Variants in DMTF1 observed in about 807,000 individuals in gnomAD.
DMTF1 encodes cyclin-D-binding Myb-like transcription factor 1.
In DMTF1, 39 loss-of-function variants were observed where a neutral mutation model predicts 91.1. The ratio of observed to expected loss-of-function variants is 0.43; its 90% CI spans 0.33 to 0.56. The LOEUF (loss-of-function observed/expected upper bound fraction) is 0.56, where lower values mean the gene tolerates loss of function less well. Ranked by LOEUF, DMTF1 falls within the 20% of genes least tolerant of loss-of-function variation. The pLI is 0.05. For synonymous variants in DMTF1, 338 were observed against 309.5 expected (o/e 1.09, Z -0.97); for missense variants, 750 against 914.5 (o/e 0.82, Z 2.32).
chr7:87,190,370 G>T (rs964030578), intron 13 of DMTF1, among the ~76,000 whole-genome samples: 2 of 151,874 alleles, frequency 1.3e-5, no homozygotes, highest in Non-Finnish European at 2.9e-5. Context: ...ATACTGCTAG[G>T]AAGTGATTAA....
intron 7 of DMTF1, among the ~76,000 whole-genome samples, chr7:87,176,219 T>A (rs1342106817): frequency 1.3e-5 from 2 of 152,212 alleles, no homozygotes; most frequent in South Asian, 4.1e-4. Context: ...ATTTTAAAAC[T>A]CTAATTCTTC....
chr7:87,195,192 C>T lies in DMTF1; in HGVS notation c.*52C>T, dbSNP rs11541453. The T allele has an allele frequency of 0.031, 39,604 of 1,293,822 alleles. 750 individuals are homozygous for T. Among genetic ancestry groups the T allele is most frequent in the East Asian group, 0.059 (2,527 of 43,082 alleles). 80.1% of individuals were successfully genotyped at this position (1,293,822 alleles called of 1,614,324 possible). A position where few individuals can be genotyped will look rare whatever the true frequency, so the allele number is the denominator to read the frequency against. On this transcript the variant is annotated 3_prime_UTR_variant, in exon 18 of 18. Transcript: ENST00000331242. ...AGCAAAGAAGGCACACTGTTAATTA[C>T]AACCTCTTCAAAGAAATAGGAGCAA...
chr7:87,164,711 T>G (rs1324568415), intron 2 of DMTF1, among the ~76,000 whole-genome samples: 1 of 152,216 alleles, frequency 6.6e-6, no homozygotes, highest in Non-Finnish European at 1.5e-5. Context: ...TTTTTAAAAT[T>G]TATCAGAGCA....
rs1798365676 is a variant in DMTF1 at position 87,186,130 on chromosome 7, C to A, written c.1201+150C>A. 3.8e-6 allele frequency: 3 copies of A among 798,378 alleles called. No homozygotes were observed. The Admixed American group carries it at 8.0e-5, about 21-fold the overall frequency. The allele number at this position is 798,378 out of a possible 1,614,324, so 49.5% of individuals were successfully genotyped here. On this transcript the variant is annotated intron_variant, in intron 12 of 17. Coordinates refer to ENST00000331242, the MANE Select transcript of DMTF1 (RefSeq NM_001142327.2). ...TCCCTGTTTCTCTCAGTAATTGTTT[C>A]CTTCCCCAGAGAAGAGTTAATACTG...
At chr7:87,193,103 T>G in intron 14 of DMTF1, 95 bp from the exon 15 acceptor site, 3 of 1,310,918 alleles carry the variant, frequency 2.3e-6, no homozygotes, top group Non-Finnish European at 3.2e-6. Flanking sequence ...TCACAATGGG[T>G]AAGTACATTT....
In DMTF1 at chr7:87,188,241, A is replaced by G. The variant is rs74661039; in HGVS notation, c.1351A>G (p.Thr451Ala). 28 of 1,613,916 alleles carry G rather than the reference A, an allele frequency of 1.7e-5. No homozygotes were observed. Among genetic ancestry groups the G allele is most frequent in the Non-Finnish European group, 2.4e-5 (28 of 1,179,922 alleles). Residue 451 changes from threonine to alanine, a missense_variant, in exon 13 of 18, where the codon ACA (threonine) becomes GCA (alanine). Transcript: ENST00000331242. ...AAGAGTTGCCCGCTTGGAAGATAATACAGCCATCTCTTCTAGCCCCATGGC... is the reference window on the plus strand; with the variant it reads ...AAGAGTTGCCCGCTTGGAAGATAATGCAGCCATCTCTTCTAGCCCCATGGC... ...QIRVARLEDN[T>A]AISSSPMAAL...
chr7:87,168,812 C>G (rs1353137921), intron 4 of DMTF1, among the ~76,000 whole-genome samples: 1 of 152,176 alleles, frequency 6.6e-6, no homozygotes, highest in Non-Finnish European at 1.5e-5. Context: ...CTCTAGTGTT[C>G]TTTTTCCCAC....
At chr7:87,193,484 C>G (rs967388953) in intron 15 of DMTF1, 131 bp downstream of exon 15, 3 of 948,922 alleles carry the variant, frequency 3.2e-6, no homozygotes, top group Non-Finnish European at 4.8e-6. Context: ...GTGTTATACA[C>G]CATCACTCTG....
intron 8 of DMTF1, 72 bp downstream of exon 8, chr7:87,179,774 A>G: frequency 1.5e-6 from 2 of 1,359,350 alleles, no homozygotes; most frequent in Non-Finnish European, 2.0e-6. Context: ...CCATTTTTTT[A>G]AACAATAGAA....
chr7:87,156,929 C>T (rs1288614451), intron 1 of DMTF1, among the ~76,000 whole-genome samples: 1 of 152,066 alleles, frequency 6.6e-6, no homozygotes, highest in Admixed American at 6.5e-5. Context: ...AAATTTAGAT[C>T]TATGTGCTCA....
chr7:87,160,271 CA>C (rs1300356732), intron 1 of DMTF1, among the ~76,000 whole-genome samples: 1 of 148,716 alleles, frequency 6.7e-6, no homozygotes, highest in Non-Finnish European at 1.5e-5. Flanking sequence ...AGTAGTTTGT[CA>C]TTTCTTTTTT....
chr7:87,185,622 A>C (rs1798240465), intron 11 of DMTF1, among the ~76,000 whole-genome samples: 2 of 152,156 alleles, frequency 1.3e-5, no homozygotes, highest in Admixed American at 1.3e-4. Flanking sequence ...CTTTAATTAA[A>C]AGTGGTTGCT....
chr7:87,184,874 C>T (rs1289458879), intron 11 of DMTF1: 1 of 598,134 alleles, frequency 1.7e-6, no homozygotes, highest in South Asian at 1.5e-5. Context: ...CTGAAGTCCT[C>T]TCTATATCCA....
In DMTF1 at chr7:87,173,555, A is replaced by C. The variant is rs374064026; in HGVS notation, c.348A>C (p.Leu116=). The C allele has an allele frequency of 5.0e-5, 80 of 1,606,782 alleles. No homozygotes were observed. Among genetic ancestry groups the C allele is most frequent in the Non-Finnish European group, 6.3e-5 (74 of 1,176,336 alleles). ...TCAAGATTTTGCAGAATGAGCAACT[A>C]GATGAAATATCTCCCTTGGGTAACG... ...TQIQILQNEQ[L]DEISPLGNEE... The change falls in exon 6 of 18, where the codon CTA becomes CTC. Residue 116 remains leucine, a synonymous_variant. Transcript: ENST00000331242.
At chr7:87,157,481 G>A (rs1562770873) in intron 1 of DMTF1, among the ~76,000 whole-genome samples, 1 of 152,030 alleles carries the variant, frequency 6.6e-6, no homozygotes, top group Non-Finnish European at 1.5e-5. Flanking sequence ...CCCCAAAACT[G>A]GGAAGAAAGG....
intron 15 of DMTF1, 81 bp downstream of exon 15, chr7:87,193,434 TA>T: frequency 1.4e-6 from 2 of 1,422,080 alleles, no homozygotes; most frequent in Non-Finnish European, 2.0e-6. Flanking sequence ...AGAAGGTAGT[TA>T]TCTAAACAGT....
intron 1 of DMTF1, among the ~76,000 whole-genome samples, chr7:87,153,781 A>G (rs2129036484): frequency 6.6e-6 from 1 of 152,318 alleles, no homozygotes; most frequent in East Asian, 1.9e-4. Flanking sequence ...AAAATTTTAA[A>G]TTATACCTGT....
At chr7:87,160,151 C>T (rs778817842) in intron 1 of DMTF1, among the ~76,000 whole-genome samples, 7 of 152,116 alleles carry the variant, frequency 4.6e-5, no homozygotes, top group African/African-American at 9.7e-5. Context: ...TATTCACCAC[C>T]GTTTCTTAGT....
chr7:87,192,277 G>A (rs1800022928), intron 14 of DMTF1, among the ~76,000 whole-genome samples: 1 of 151,964 alleles, frequency 6.6e-6, no homozygotes, highest in African/African-American at 2.4e-5. Flanking sequence ...ATATATACAT[G>A]TACATATAAA....
Sources: gnomAD v4.1 joint callset for allele counts (sites outside exome capture counted in the v4.1 genomes callset) on GRCh38, gnomAD v4.1.1 for gene constraint, MANE v1.5 for transcripts, NCBI Gene and HGNC (gene_info 2026-07-23, HGNC 2026-07-21) for gene names.